Variants in NDST4 observed in about 807,000 individuals in gnomAD.
NDST4 encodes the protein N-deacetylase and N-sulfotransferase 4, also known as N-heparan sulfate sulfotransferase 4.
A neutral mutation model predicts 100.8 loss-of-function variants in NDST4; 63 were observed. The ratio of observed to expected loss-of-function variants is 0.62; its 90% CI spans 0.51 to 0.77. The LOEUF (loss-of-function observed/expected upper bound fraction) is 0.77. Ranked by LOEUF, NDST4 falls within the 30% of genes least tolerant of loss-of-function variation. The pLI is 0.00. For missense variants in NDST4, 943 were observed against 1,018.4 expected (o/e 0.93, Z 1.01); for synonymous variants, 377 against 361.8 (o/e 1.04, Z -0.48).
rs147093666 is a variant in NDST4 at position 115,034,153 on chromosome 4, T to A, written c.978+41906A>T. Among the ~76,000 whole-genome samples the A allele has an allele frequency of 3.4e-3, 514 of 152,242 alleles. 2 individuals carry two copies. The highest frequency in any genetic ancestry group is 4.6e-3 in the Non-Finnish European group (314 of 68,008). ...TCGGATCCTGCTTATTCTTGAGTAG[T>A]AGCAGGTTCACATTTCCTGCTGGCT... On this transcript the variant is annotated intron_variant, in intron 2 of 13. Coordinates refer to ENST00000264363, the MANE Select transcript of NDST4 (RefSeq NM_022569.3).
Position 114,959,433 on chromosome 4 carries a change from G to T in NDST4, c.1221+10997C>A, listed in dbSNP as rs1490659887. On this transcript the variant is annotated intron_variant, in intron 4 of 13. Transcript: ENST00000264363. ...TAGACTCACAGTTTCACATGGCTGA[G>T]AAAGCCTTATGATCATGATGGAAGG... Among the ~76,000 whole-genome samples the T allele has an allele frequency of 1.3e-4, 20 of 152,146 alleles. 1 individual carries two copies. Among genetic ancestry groups the T allele is most frequent in the Non-Finnish European group, 2.9e-5 (2 of 68,020 alleles).
chr4:115,022,375 G>GTACATATGTGTTCCATA (rs1727860621), intron 2 of NDST4, among the ~76,000 whole-genome samples: 1 of 89,326 alleles, frequency 1.1e-5, no homozygotes, highest in African/African-American at 4.9e-5. Context: ...TGTGTTCCAT[G>GTACATATGTGTTCCATA]TACATATGTG....
At chr4:115,070,493 G>C (rs999421558) in intron 2 of NDST4, among the ~76,000 whole-genome samples, 4 of 152,104 alleles carry the variant, frequency 2.6e-5, no homozygotes, top group Admixed American at 2.0e-4. Flanking sequence ...CTAATTGATA[G>C]ATAATATTTC....
At position 115,076,722 on chromosome 4, in the gene NDST4, C is replaced by G. The variant is rs776637136; in HGVS notation, c.315G>C (p.Gln105His). 4 of 1,613,900 alleles carry G rather than the reference C, an allele frequency of 2.5e-6. No homozygotes were observed. Among genetic ancestry groups the G allele is most frequent in the South Asian group, 1.1e-5 (1 of 91,080 alleles). The change falls in exon 2 of 14, where the codon CAG (glutamine) becomes CAC (histidine). Residue 105 changes from glutamine (Q) to histidine (H), a missense_variant. By Grantham distance (24) the Gln-to-His change is conservative. Transcript: ENST00000264363. The stretch of plus-strand genomic sequence containing the variant: ...TTCCAGGGGCAATAACCATGTGGTA[C>G]TGAAATCGGCTGGACTCCAAAATAG... ...IIAILESSRF[Q>H]YHMVIAPGKG... is the part of the protein sequence containing the mutation.
At position 115,007,714 on chromosome 4, in the gene NDST4, C is replaced by T. The variant is rs1727453169; in HGVS notation, c.979-30440G>A. Among the ~76,000 whole-genome samples, 2 of 129,290 alleles carry T rather than the reference C, an allele frequency of 1.5e-5. 1 individual carries two copies. Among genetic ancestry groups the T allele is most frequent in the Admixed American group, 1.6e-4 (2 of 12,662 alleles). The allele number at this position is 129,290 out of a possible 152,430, so 84.8% of individuals were successfully genotyped here. ...CACAAAAACAAACCAAAATAAAAGA[C>T]CTCATTAGCTGATATCTGCTTAGAT... On this transcript the variant is annotated intron_variant, in intron 2 of 13. Transcript: ENST00000264363.
At position 115,021,693 on chromosome 4, in the gene NDST4, G is replaced by A. The variant is rs777764886; in HGVS notation, c.979-44419C>T. ...ATATACACATTCCATATATATACAC[G>A]TTCCACATCTATACACATTCCATAT... On this transcript the variant is annotated intron_variant, in intron 2 of 13. Coordinates refer to ENST00000264363, the MANE Select transcript of NDST4 (RefSeq NM_022569.3). Among the ~76,000 whole-genome samples the A allele has an allele frequency of 4.8e-4, 71 of 147,816 alleles. 1 individual carries two copies. Among genetic ancestry groups the A allele is most frequent in the Non-Finnish European group, 8.5e-4 (57 of 67,116 alleles).
intron 6 of NDST4, among the ~76,000 whole-genome samples, chr4:114,888,771 G>A (rs1016899220): frequency 6.6e-6 from 1 of 152,066 alleles, no homozygotes; most frequent in African/African-American, 2.4e-5. Context: ...AGTTCAATGA[G>A]TAGCCCATGA....
chr4:114,896,814 T>A (rs1230081050), intron 6 of NDST4, among the ~76,000 whole-genome samples: 5 of 152,294 alleles, frequency 3.3e-5, no homozygotes, highest in Middle Eastern at 6.8e-3. Flanking sequence ...TCTGTTTGCA[T>A]GTTTTTAAAC....
Position 115,004,607 on chromosome 4 carries a change from T to G in NDST4, c.979-27333A>C, listed in dbSNP as rs1019525803. On this transcript the variant is annotated intron_variant, in intron 2 of 13. Coordinates refer to ENST00000264363, the MANE Select transcript of NDST4 (RefSeq NM_022569.3). ...AGCATGAGGTTGGTATAAATATATC[T>G]TCATCTTGCTGCTCGTCACACCAAC... Among the ~76,000 whole-genome samples, 3 of 152,274 alleles carry G rather than the reference T, an allele frequency of 2.0e-5. No individual in the cohort carries two copies. In the South Asian group the frequency reaches 6.2e-4, roughly 32 times the overall value.
Position 114,847,148 on chromosome 4 carries a change from G to A in NDST4, c.1940+1067C>T, listed in dbSNP as rs1403470376. 3.4e-5 allele frequency among the ~76,000 whole-genome samples: 5 copies of A among 146,772 alleles called. 1 individual carries two copies. Among genetic ancestry groups the A allele is most frequent in the East Asian group, 1.9e-4 (1 of 5,150 alleles). ...TCCCAGCACTTTGGGAGGCCGAGGC[G>A]GGCGGATCACGAGGTCAGGAGATCG... On this transcript the variant is annotated intron_variant, in intron 9 of 13. Transcript: ENST00000264363.
intron 6 of NDST4, among the ~76,000 whole-genome samples, chr4:114,888,585 G>A (rs115744506): frequency 0.015 from 2,336 of 152,234 alleles, 63 homozygotes; most frequent in African/African-American, 0.054. Context: ...TTAGAGTAAC[G>A]CATCAGGCTT....
At chr4:115,002,342 G>C (rs1488729886) in intron 2 of NDST4, among the ~76,000 whole-genome samples, 1 of 151,956 alleles carries the variant, frequency 6.6e-6, no homozygotes, top group African/African-American at 2.4e-5. Flanking sequence ...CTTTTTGATG[G>C]GGTTGTTTGT....
At chr4:115,041,988 T>G (rs1728361630) in intron 2 of NDST4, among the ~76,000 whole-genome samples, 1 of 152,122 alleles carries the variant, frequency 6.6e-6, no homozygotes, top group African/African-American at 2.4e-5. Flanking sequence ...AGGTAAGTGC[T>G]GAAGACATAA....
chr4:114,915,756 A>G (rs1206890220), intron 6 of NDST4, among the ~76,000 whole-genome samples: 1 of 152,120 alleles, frequency 6.6e-6, no homozygotes, highest in Non-Finnish European at 1.5e-5. Context: ...ATATTTTATT[A>G]TAGTCTAATA....
At position 115,010,010 on chromosome 4, in the gene NDST4, G is replaced by A. The variant is rs552500536; in HGVS notation, c.979-32736C>T. Reference sequence around the variant, plus strand: ...GATACCATCTCACACCAGTTAGAATGGCAATCATTAAAAAGTCAGGAAACA... The same window carrying A: ...GATACCATCTCACACCAGTTAGAATAGCAATCATTAAAAAGTCAGGAAACA... On this transcript the variant is annotated intron_variant, in intron 2 of 13. Coordinates refer to ENST00000264363, the MANE Select transcript of NDST4 (RefSeq NM_022569.3). 5.8e-5 allele frequency among the ~76,000 whole-genome samples: 6 copies of A among 103,170 alleles called. 1 individual carries two copies. In the East Asian group the frequency reaches 1.8e-3, roughly 31 times the overall value. The allele number at this position is 103,170 out of a possible 152,430, so 67.7% of individuals were successfully genotyped here.
intron 6 of NDST4, among the ~76,000 whole-genome samples, chr4:114,929,465 G>A (rs527884551): frequency 6.6e-6 from 1 of 152,076 alleles, no homozygotes; most frequent in South Asian, 2.1e-4. Context: ...CGACCCTCTT[G>A]ACCATCTACT....
chr4:115,046,365 T>C (rs1343405505), intron 2 of NDST4, among the ~76,000 whole-genome samples: 1 of 152,172 alleles, frequency 6.6e-6, no homozygotes, highest in African/African-American at 2.4e-5. Flanking sequence ...TTATTTAACA[T>C]AGGTTCCATT....
At chr4:114,913,943 T>C (rs1725115468) in intron 6 of NDST4, among the ~76,000 whole-genome samples, 1 of 151,962 alleles carries the variant, frequency 6.6e-6, no homozygotes, top group African/African-American at 2.4e-5. Flanking sequence ...CTGTGAACAG[T>C]AACAGATGAA....
intron 6 of NDST4, among the ~76,000 whole-genome samples, chr4:114,897,045 C>T (rs1724730847): frequency 6.6e-6 from 1 of 152,080 alleles, no homozygotes; most frequent in South Asian, 2.1e-4. Context: ...GAGAGTGGTA[C>T]AATTTTTATG....
Sources: allele counts gnomAD v4.1 joint callset (sites outside exome capture counted in the v4.1 genomes callset), GRCh38; gene constraint gnomAD v4.1.1; transcripts MANE v1.5; gene names NCBI Gene and HGNC (gene_info 2026-07-23, HGNC 2026-07-21).